The following ACCSL variants were observed in gnomAD, a reference collection of about 807,000 sequenced individuals.
The protein encoded by ACCSL is 1-aminocyclopropane-1-carboxylate synthase homolog (inactive) like, also known as probable inactive 1-aminocyclopropane-1-carboxylate synthase-like protein 2.
Under a neutral mutation model 61.7 loss-of-function variants are expected in ACCSL, and 55 were observed. The ratio of observed to expected loss-of-function variants is 0.89; its 90% CI spans 0.72 to 1.12. ACCSL has a LOEUF of 1.12. Ranked by LOEUF, ACCSL falls within the 50% of genes most tolerant of loss-of-function variation. The probability of loss-of-function intolerance (pLI) is 0.00; values close to 1 mark genes in which losing one functional copy is unlikely to be tolerated. For missense variants in ACCSL, 632 were observed against 698.0 expected (o/e 0.91, Z 1.07); for synonymous variants, 258 against 264.3 (o/e 0.98, Z 0.23).
chr11:44,051,266 A>G (rs896632334), intron 3 of ACCSL, 69 bp from the exon 4 acceptor site: 3 of 1,523,452 alleles, frequency 2.0e-6, no homozygotes, highest in Admixed American at 1.7e-5. Context: ...AGGCTGGACA[A>G]TGACCATCTA....
At chr11:43,988,682 G>T in the ACCSL span, among the ~76,000 whole-genome samples, 1 of 151,990 alleles carries the variant, frequency 6.6e-6, no homozygotes, top group African/African-American at 2.4e-5. Context: ...AAGCAAGCAG[G>T]CCACTCGGTT....
At position 44,056,096 on chromosome 11, in the gene ACCSL, G is replaced by C. The variant is rs1952669699; in HGVS notation, c.1185+11G>C. On this transcript the variant is annotated intron_variant, in intron 10 of 13. Coordinates refer to ENST00000378832, the MANE Select transcript of ACCSL (RefSeq NM_001031854.2). ...TGGGGTACCAGTAAGGTGAGCCATTGCTTTCTCTCCTTGGCTAGGGAAGGA... is the reference window on the plus strand; with the variant it reads ...TGGGGTACCAGTAAGGTGAGCCATTCCTTTCTCTCCTTGGCTAGGGAAGGA... 2 of 1,614,094 alleles carry C rather than the reference G, an allele frequency of 1.2e-6. No homozygotes were observed. The highest frequency in any genetic ancestry group is 2.7e-5 in the African/African-American group (2 of 74,948).
At chr11:43,947,378 G>C in the ACCSL span, among the ~76,000 whole-genome samples, 58 of 152,298 alleles carry the variant, frequency 3.8e-4, 1 homozygote, top group African/African-American at 1.3e-3. Context: ...TCATATCAGA[G>C]GTCCTACCAG....
chr11:43,930,946 C>T, the ACCSL span, among the ~76,000 whole-genome samples: 3 of 152,278 alleles, frequency 2.0e-5, no homozygotes, highest in African/African-American at 7.2e-5. Flanking sequence ...CTGACCATGG[C>T]CCCCAAACTG....
At chr11:44,052,835 G>T (rs1952648170) in intron 6 of ACCSL, 76 bp downstream of exon 6, 1 of 1,519,456 alleles carries the variant, frequency 6.6e-7, no homozygotes, top group Admixed American at 1.7e-5. Flanking sequence ...GGGGTAGAGG[G>T]GCTTGCTTTC....
Position 44,058,460 on chromosome 11 carries a change from G to T in ACCSL, c.1470+1G>T. On this transcript the variant is annotated splice_donor_variant, in intron 12 of 13. Coordinates refer to ENST00000378832, the MANE Select transcript of ACCSL (RefSeq NM_001031854.2). LOFTEE classifies it high-confidence loss of function. ...CTATGTCTGGATCAACTTGAAAAAG[G>T]TGTGTTCTGGGAATGAGGACAGGTG... is the stretch of plus-strand genomic sequence containing the variant. The T allele has an allele frequency of 6.2e-7, 1 of 1,614,192 alleles. No individual in the cohort carries two copies. The highest frequency in any genetic ancestry group is 1.1e-5 in the South Asian group (1 of 91,078).
the ACCSL span, among the ~76,000 whole-genome samples, chr11:44,003,937 A>G: frequency 1.3e-5 from 2 of 152,178 alleles, no homozygotes; most frequent in Non-Finnish European, 2.9e-5. Flanking sequence ...GGCAGCAGCC[A>G]GTAGCAGGGA....
chr11:43,922,768 G>A, the ACCSL span, among the ~76,000 whole-genome samples: 1 of 152,028 alleles, frequency 6.6e-6, no homozygotes, highest in African/African-American at 2.4e-5. Context: ...ATACACTTGG[G>A]GACCCTGAAT....
chr11:44,053,613 A>T, intron 8 of ACCSL, 107 bp downstream of exon 8: 1 of 1,052,488 alleles, frequency 9.5e-7, no homozygotes, highest in Non-Finnish European at 1.4e-6. Flanking sequence ...CTGTAATCCC[A>T]GCACTTTGGG....
the ACCSL span, chr11:43,947,282 A>G: frequency 6.6e-6 from 1 of 152,288 alleles, no homozygotes; most frequent in Non-Finnish European, 1.5e-5. Context: ...ATCCACCCTT[A>G]TGACCCAAAC....
At chr11:43,979,586 C>T in the ACCSL span, among the ~76,000 whole-genome samples, 1 of 152,144 alleles carries the variant, frequency 6.6e-6, no homozygotes, top group East Asian at 1.9e-4. Context: ...TAGTAAGTCT[C>T]TGTCGTGGCA....
At chr11:44,055,478 G>A (rs1952665803) in intron 9 of ACCSL, among the ~76,000 whole-genome samples, 187 bp downstream of exon 9, 1 of 152,236 alleles carries the variant, frequency 6.6e-6, no homozygotes, top group African/African-American at 2.4e-5. Flanking sequence ...GCCATTTTGT[G>A]TAGAAGATAA....
chr11:43,955,062 G>C, the ACCSL span, among the ~76,000 whole-genome samples: 1 of 152,210 alleles, frequency 6.6e-6, no homozygotes, highest in Admixed American at 6.5e-5. Context: ...ATTCTGCTGA[G>C]AACTCTGTTG....
chr11:44,054,659 G>A (rs540680018), intron 8 of ACCSL, among the ~76,000 whole-genome samples: 61 of 152,174 alleles, frequency 4.0e-4, no homozygotes, highest in Non-Finnish European at 7.5e-4. Context: ...GTTCCACGAT[G>A]TTGGCCAGGC....
the ACCSL span, among the ~76,000 whole-genome samples, chr11:44,027,546 A>G: frequency 6.6e-6 from 1 of 152,204 alleles, no homozygotes; most frequent in South Asian, 2.1e-4. Context: ...TGCTCATCAA[A>G]TGTTAATTCC....
the ACCSL span, among the ~76,000 whole-genome samples, chr11:44,027,135 A>G: frequency 0.4 from 60,932 of 152,058 alleles, 12,711 homozygotes; most frequent in Admixed American, 0.42. Context: ...AAACGCCTAG[A>G]TACAATAAGT....
intron 4 of ACCSL, 123 bp from the exon 5 acceptor site, chr11:44,051,530 C>A: frequency 6.6e-7 from 1 of 1,522,766 alleles, no homozygotes; most frequent in Non-Finnish European, 9.1e-7. Flanking sequence ...AGCATGAAGG[C>A]CAATGTGTCC....
the ACCSL span, among the ~76,000 whole-genome samples, chr11:44,032,654 G>T: frequency 6.6e-6 from 1 of 152,248 alleles, no homozygotes; most frequent in African/African-American, 2.4e-5. Flanking sequence ...AGTGGGGAGC[G>T]GGCGGATACG....
the ACCSL span, among the ~76,000 whole-genome samples, chr11:43,970,619 G>A: frequency 1.3e-5 from 2 of 152,156 alleles, no homozygotes; most frequent in African/African-American, 2.4e-5. Context: ...TTGCCAATCT[G>A]TGAATTTTTT....
Sources: gnomAD v4.1 joint callset for allele counts (sites outside exome capture counted in the v4.1 genomes callset) on GRCh38, gnomAD v4.1.1 for gene constraint, MANE v1.5 for transcripts, NCBI Gene and HGNC (gene_info 2026-07-23, HGNC 2026-07-21) for gene names.